Variants in DPF3 observed in about 807,000 individuals in gnomAD.
DPF3 encodes zinc finger protein DPF3.
In DPF3, 18 loss-of-function variants were observed where a neutral mutation model predicts 56.8. The observed-to-expected ratio is 0.32, with a 90% CI of 0.22 to 0.47. The LOEUF (loss-of-function observed/expected upper bound fraction) is 0.47. DPF3 is among the 20% of genes least tolerant of loss of function. DPF3 has a pLI of 1.00. For synonymous variants in DPF3, 188 were observed against 180.2 expected, an observed-to-expected ratio of 1.04 and a Z score of -0.35; for missense variants, 403 against 488.8, an observed-to-expected ratio of 0.82 and a Z score of 1.65.
At chr14:72,738,748 A>G (rs61076216) in intron 3 of DPF3, among the ~76,000 whole-genome samples, 6,944 of 152,264 alleles carry the variant, frequency 0.046, 418 homozygotes, top group African/African-American at 0.14. Context: ...GAAAATTGCT[A>G]AGAGAGTCAA....
chr14:72,701,366 C>T (rs1002636445), intron 6 of DPF3, among the ~76,000 whole-genome samples: 3 of 152,228 alleles, frequency 2.0e-5, no homozygotes, highest in African/African-American at 7.2e-5. Flanking sequence ...TTCTCCTTCC[C>T]CCTGGGGCGG....
chr14:72,784,008 C>T (rs1892103646), intron 1 of DPF3, among the ~76,000 whole-genome samples: 2 of 152,194 alleles, frequency 1.3e-5, no homozygotes, highest in Non-Finnish European at 2.9e-5. Flanking sequence ...CCTGACCTCG[C>T]TTGGGGGCCT....
intron 3 of DPF3, among the ~76,000 whole-genome samples, chr14:72,739,140 G>A (rs1248582008): frequency 6.6e-6 from 1 of 151,942 alleles, no homozygotes; most frequent in African/African-American, 2.4e-5. Flanking sequence ...GACTCGAGAG[G>A]CTGAGGTGGG....
chr14:72,621,629 A>G (rs1485557297), intron 9 of DPF3, among the ~76,000 whole-genome samples: 2 of 152,218 alleles, frequency 1.3e-5, no homozygotes, highest in East Asian at 1.9e-4. Context: ...ACTAGCTGCT[A>G]TGTAAGAGTA....
intron 1 of DPF3, chr14:72,836,313 C>A (rs1884292609): frequency 5.1e-6 from 5 of 985,658 alleles, no homozygotes; most frequent in Non-Finnish European, 6.0e-6. Context: ...CAGGGCAACC[C>A]TGGATAATAA....
At chr14:72,680,322 T>TC (rs1317896701) in intron 7 of DPF3, among the ~76,000 whole-genome samples, 1 of 152,252 alleles carries the variant, frequency 6.6e-6, no homozygotes, top group Non-Finnish European at 1.5e-5. Flanking sequence ...TGTGGGGCTT[T>TC]CATTCAGGCT....
intron 1 of DPF3, among the ~76,000 whole-genome samples, chr14:72,839,055 G>T (rs1312820365): frequency 1.3e-5 from 2 of 150,402 alleles, no homozygotes; most frequent in African/African-American, 4.9e-5. Flanking sequence ...TGAGTAGCTG[G>T]GATTACAGGA....
At chr14:72,869,898 TG>T (rs1482947522) in intron 1 of DPF3, among the ~76,000 whole-genome samples, 1 of 151,834 alleles carries the variant, frequency 6.6e-6, no homozygotes, top group African/African-American at 2.4e-5. Context: ...CTAGAGATGA[TG>T]GGGGGTAGGG....
At chr14:72,655,633 C>T (rs17119109) in intron 8 of DPF3, among the ~76,000 whole-genome samples, 9,428 of 152,244 alleles carry the variant, frequency 0.062, 901 homozygotes, top group African/African-American at 0.2. Flanking sequence ...ATGTGTCTTG[C>T]CACTGCATTC....
At chr14:72,744,827 A>T (rs1203440840) in intron 3 of DPF3, among the ~76,000 whole-genome samples, 1 of 152,118 alleles carries the variant, frequency 6.6e-6, no homozygotes, top group East Asian at 1.9e-4. Context: ...CTCACTGTCC[A>T]TAGGAGAGTC....
intron 6 of DPF3, among the ~76,000 whole-genome samples, chr14:72,701,714 G>A (rs1307267452): frequency 6.6e-6 from 1 of 152,186 alleles, no homozygotes; most frequent in Non-Finnish European, 1.5e-5. Context: ...CACACAGTGG[G>A]AATCTGAGCC....
At chr14:72,690,304 C>T (rs1329356501) in intron 7 of DPF3, among the ~76,000 whole-genome samples, 1 of 152,184 alleles carries the variant, frequency 6.6e-6, no homozygotes, top group East Asian at 1.9e-4. Context: ...GATCCACACC[C>T]GAGTGCTTGT....
chr14:72,805,219 C>A (rs1240860763), intron 1 of DPF3, among the ~76,000 whole-genome samples: 2 of 152,188 alleles, frequency 1.3e-5, no homozygotes, highest in Admixed American at 6.5e-5. Flanking sequence ...ACCTGTAATC[C>A]CAGCACTTTG....
At chr14:72,823,238 G>A (rs1235948629) in intron 1 of DPF3, among the ~76,000 whole-genome samples, 1 of 152,180 alleles carries the variant, frequency 6.6e-6, no homozygotes, top group South Asian at 2.1e-4. Context: ...TTCTCCAAGG[G>A]ATGTCCCTAA....
intron 8 of DPF3, among the ~76,000 whole-genome samples, chr14:72,646,838 G>A (rs774584897): frequency 1.1e-4 from 17 of 152,304 alleles, no homozygotes; most frequent in Middle Eastern, 3.4e-3. Context: ...AAGAATTACC[G>A]GGAGAGATGT....
At chr14:72,834,135 G>A (rs146145145) in intron 1 of DPF3, among the ~76,000 whole-genome samples, 1 of 151,240 alleles carries the variant, frequency 6.6e-6, no homozygotes, top group Non-Finnish European at 1.5e-5. Context: ...CCGAGACTGC[G>A]CCATTGCACT....
intron 2 of DPF3, among the ~76,000 whole-genome samples, chr14:72,753,798 C>A (rs1185318423): frequency 1.3e-5 from 2 of 152,108 alleles, no homozygotes; most frequent in Admixed American, 6.5e-5. Context: ...GTATGGACAG[C>A]CTGGGTTGAG....
At chr14:72,686,280 G>C (rs1887407532) in intron 7 of DPF3, among the ~76,000 whole-genome samples, 1 of 152,242 alleles carries the variant, frequency 6.6e-6, no homozygotes, top group Admixed American at 6.5e-5. Flanking sequence ...TGAGTCATCT[G>C]TGGTCACAGA....
chr14:72,885,729 G>C (rs1198165126), intron 1 of DPF3, among the ~76,000 whole-genome samples: 1 of 152,096 alleles, frequency 6.6e-6, no homozygotes, highest in Non-Finnish European at 1.5e-5. Flanking sequence ...AAATGAAGGA[G>C]ACCTAGGCAT....
Sources: gnomAD v4.1 joint callset for allele counts (sites outside exome capture counted in the v4.1 genomes callset) on GRCh38, gnomAD v4.1.1 for gene constraint, MANE v1.5 for transcripts, NCBI Gene and HGNC (gene_info 2026-07-23, HGNC 2026-07-21) for gene names.